Variants in KRT85 observed in about 807,000 individuals in gnomAD.
KRT85 encodes the protein keratin 85.
In KRT85, 39 loss-of-function variants were observed where a neutral mutation model predicts 53.7. The ratio of observed to expected loss-of-function variants is 0.73; its 90% confidence interval spans 0.56 to 0.95. The LOEUF (loss-of-function observed/expected upper bound fraction) is 0.95. Among genes scored for constraint, KRT85 ranks in the 40% least tolerant of loss-of-function variants. The pLI, the probability that KRT85 is intolerant of heterozygous loss-of-function variation, is 0.00. For synonymous variants in KRT85, 291 were observed against 277.5 expected, an observed-to-expected ratio of 1.05 and a Z score of -0.48; for missense variants, 668 against 686.0, an observed-to-expected ratio of 0.97 and a Z score of 0.29.
rs3837478 is a variant in KRT85, at chr12:52,366,676, T to TAC, written c.420+308_420+309dup. Reference sequence around the variant, plus strand: ...ACACACACATATGCTCACACACATGTACACACACACATATACACACCACAC... The same window carrying TAC: ...ACACACACATATGCTCACACACATGTACACACACACACATATACACACCACAC... On this transcript the variant is annotated intron_variant, in intron 1 of 8. Transcript: ENST00000257901. Among the ~76,000 whole-genome samples, 352 of 151,832 alleles carry TAC rather than the reference T, an allele frequency of 2.3e-3. 1 individual carries two copies. Among genetic ancestry groups the TAC allele is most frequent in the African/African-American group, 8.0e-3 (331 of 41,366 alleles).
chr12:52,363,217 T>G, intron 5 of KRT85, 29 bp downstream of exon 5: 1 of 1,613,598 alleles, frequency 6.2e-7, no homozygotes, highest in Non-Finnish European at 8.5e-7. Context: ...ACTGCCATGC[T>G]TAGCAGGCAG....
In KRT85 at chr12:52,361,470, C is replaced by T. The variant is rs769372346; in HGVS notation, c.1327G>A (p.Val443Ile). The stretch of plus-strand genomic sequence containing the variant: ...AGAATTTCAGGCAGATACTCACAGA[C>T]ATTCACAGAGCCCACACCTTCACAC... ...RLCEGVGSVN[V>I]CVSSSRGGVS... The change falls in exon 8 of 9, where the codon GTC becomes ATC. Residue 443 changes from valine (V) to isoleucine (I), a missense_variant. This residue lies in a region of KRT85 where 488 missense variants were observed against 498.1 expected (regional missense o/e 0.98). Transcript: ENST00000257901. The T allele has an allele frequency of 6.8e-6, 11 of 1,613,884 alleles. No homozygotes were observed. Among genetic ancestry groups the T allele is most frequent in the African/African-American group, 2.7e-5 (2 of 74,908 alleles).
At chr12:52,366,955 G>A in intron 1 of KRT85, 31 bp downstream of exon 1, 1 of 1,613,978 alleles carries the variant, frequency 6.2e-7, no homozygotes, top group South Asian at 1.1e-5. Flanking sequence ...AGGGCTGGAG[G>A]CTTCTCTGGG....
At chr12:52,366,920 G>C in intron 1 of KRT85, 66 bp downstream of exon 1, 2 of 1,613,494 alleles carry the variant, frequency 1.2e-6, no homozygotes, top group Non-Finnish European at 1.7e-6. Flanking sequence ...CTCCTCAGCA[G>C]ACTGGGACCT....
At position 52,360,929 on chromosome 12, in the gene KRT85, G is replaced by A; in HGVS notation, c.1448C>T (p.Pro483Leu). The change falls in exon 9 of 9, where the codon CCT (proline) becomes CTT (leucine). Residue 483 changes from proline to leucine, a missense_variant. By Grantham distance (98) the Pro-to-Leu change is moderately conservative. Coordinates refer to ENST00000257901, the MANE Select transcript of KRT85 (RefSeq NM_002283.4). The part of the protein sequence containing the change: ...AIGGSITVVA[P>L]DSCAPCQPRS... ...AGGCTGGCAGGGGGCACAGGAGTCA[G>A]GGGCCACCACCGTGATGCTGCCGCC... 3.1e-6 allele frequency: 5 copies of A among 1,612,726 alleles called. No homozygotes were observed. Among genetic ancestry groups the A allele is most frequent in the Non-Finnish European group, 4.2e-6 (5 of 1,179,978 alleles).
chr12:52,360,909 G>A lies in KRT85; in HGVS notation c.1468C>T (p.Gln490Ter), dbSNP rs1287524887. ...VVAPDSCAPCQPRSSSFSCGS... is the reference protein window; with the variant it reads ...VVAPDSCAPC ...CAGCTGAAGCTGGAGGAACGAGGCT[G>A]GCAGGGGGCACAGGAGTCAGGGGCC... Residue 490 changes from glutamine (Q) to a stop codon, truncating the protein, a stop_gained, in exon 9 of 9, where the codon CAG becomes TAG. Coordinates refer to ENST00000257901, the MANE Select transcript of KRT85 (RefSeq NM_002283.4). LOFTEE classifies it high-confidence loss of function. 16 of 1,612,606 alleles carry A rather than the reference G, an allele frequency of 9.9e-6. No homozygotes were observed. The highest frequency in any genetic ancestry group is 1.2e-5 in the Non-Finnish European group (14 of 1,180,012).
At position 52,367,198 on chromosome 12, in the gene KRT85, C is replaced by T. The variant is rs1939286955; in HGVS notation, c.208G>A (p.Gly70Ser). The T allele has an allele frequency of 6.2e-7, 1 of 1,613,862 alleles. No individual in the cohort carries two copies. Among genetic ancestry groups the T allele is most frequent in the Non-Finnish European group, 8.5e-7 (1 of 1,179,926 alleles). The change falls in exon 1 of 9, where the codon GGC becomes AGC. Residue 70 changes from glycine to serine, a missense_variant. Gly to Ser is a moderately conservative substitution (Grantham distance 56). Transcript: ENST00000257901. The stretch of plus-strand genomic sequence containing the variant: ...CGTCCGCAGGAGCCGGCTCGGAAGC[C>T]ACCTACAGCTATCCGGGGCCCGCAG... ...GSCGPRIAVG[G>S]FRAGSCGRSF...
rs769372346 is a variant in KRT85 at position 52,361,470 on chromosome 12, C to A, written c.1327G>T (p.Val443Phe). 2 of 1,613,884 alleles carry A rather than the reference C, an allele frequency of 1.2e-6. No homozygotes were observed. The highest frequency in any genetic ancestry group is 2.7e-5 in the African/African-American group (2 of 74,908). The change falls in exon 8 of 9, where the codon GTC becomes TTC. Residue 443 changes from valine to phenylalanine, a missense_variant. Coordinates refer to ENST00000257901, the MANE Select transcript of KRT85 (RefSeq NM_002283.4). ...AGAATTTCAGGCAGATACTCACAGA[C>A]ATTCACAGAGCCCACACCTTCACAC... ...RLCEGVGSVNVCVSSSRGGVS... is the reference protein window; with the variant it reads ...RLCEGVGSVNFCVSSSRGGVS...
chr12:52,360,764 G>A lies in KRT85; in HGVS notation c.*89C>T, dbSNP rs1041995246. The stretch of plus-strand genomic sequence containing the variant: ...TAGGAACATCCAGAAGATTCTGGAA[G>A]CAAGCACACATTTTCCATTCACATG... On this transcript the variant is annotated 3_prime_UTR_variant, in exon 9 of 9. Transcript: ENST00000257901. The A allele has an allele frequency of 7.2e-7, 1 of 1,393,504 alleles. No homozygotes were observed. Among genetic ancestry groups the A allele is most frequent in the East Asian group, 2.3e-5 (1 of 43,832 alleles). The allele number at this position is 1,393,504 out of a possible 1,614,324, so 86.3% of individuals were successfully genotyped here.
In KRT85 at chr12:52,363,413, G is replaced by A. The variant is rs759539209; in HGVS notation, c.787-3C>T. On this transcript the variant is annotated splice_region_variant and splice_polypyrimidine_tract_variant and intron_variant, in intron 4 of 8. Coordinates refer to ENST00000257901, the MANE Select transcript of KRT85 (RefSeq NM_002283.4). ...TGGGCTTGGAGAACGCGGATCTCCT[G>A]TGGGGCCAACAGCCAGTGCATTTGC... 28 of 1,614,068 alleles carry A rather than the reference G, an allele frequency of 1.7e-5. No homozygotes were observed. In the South Asian group the frequency reaches 3.0e-4, roughly 17 times the overall value.
At chr12:52,364,628 C>A (rs1939245367) in intron 2 of KRT85, 1 of 1,440,232 alleles carries the variant, frequency 6.9e-7, no homozygotes, top group South Asian at 1.5e-5. Context: ...TCTGTGCATC[C>A]TAGGTCCCAA....
chr12:52,365,205 G>C (rs777557341), intron 1 of KRT85, 35 bp from the exon 2 acceptor site: 3 of 1,609,686 alleles, frequency 1.9e-6, no homozygotes, highest in Admixed American at 3.3e-5. Context: ...GTCAGAGGGA[G>C]CCTGGGGGGA....
At chr12:52,362,215 C>T (rs1209840109) in intron 7 of KRT85, 36 bp downstream of exon 7, 4 of 1,613,970 alleles carry the variant, frequency 2.5e-6, no homozygotes, top group South Asian at 1.1e-5. Context: ...CCACAGCCTC[C>T]ACCTCTGAAA....
chr12:52,361,193 C>T lies in KRT85; in HGVS notation c.1331-147G>A, dbSNP rs1404729270. The T allele has an allele frequency of 6.1e-6, 5 of 824,120 alleles. No individual in the cohort carries two copies. In the Admixed American group the frequency reaches 1.0e-4, roughly 17 times the overall value. 51.1% of individuals were successfully genotyped at this position (824,120 alleles called of 1,614,324 possible). A position where few individuals can be genotyped will look rare whatever the true frequency, so the allele number is the denominator to read the frequency against. ...GGCCCTGTCCCTGAGATGCACAGCCCATCTAGGGAACTGGGGCAGGAAGGA... is the reference window on the plus strand; with the variant it reads ...GGCCCTGTCCCTGAGATGCACAGCCTATCTAGGGAACTGGGGCAGGAAGGA... On this transcript the variant is annotated intron_variant, in intron 8 of 8. Transcript: ENST00000257901.
intron 2 of KRT85, 195 bp downstream of exon 2, chr12:52,364,767 A>G (rs1939246905): frequency 1.5e-6 from 2 of 1,374,706 alleles, no homozygotes; most frequent in Admixed American, 2.1e-5. Context: ...AAGTAGCTCT[A>G]AGGCTCACAG....
chr12:52,364,247 C>A, intron 3 of KRT85, 59 bp downstream of exon 3: 1 of 1,613,338 alleles, frequency 6.2e-7, no homozygotes, highest in Non-Finnish European at 8.5e-7. Context: ...TGACCCTGCC[C>A]CTCGCTGGAG....
intron 7 of KRT85, 25 bp downstream of exon 7, chr12:52,362,226 C>T (rs775199825): frequency 6.8e-6 from 11 of 1,613,870 alleles, no homozygotes; most frequent in African/African-American, 1.3e-5. Flanking sequence ...ACCTCTGAAA[C>T]CCCACAAAGT....
rs1331076421 is a variant in KRT85 at position 52,361,381 on chromosome 12, C to G, written c.1330+86G>C. 3.2e-6 allele frequency: 4 copies of G among 1,260,110 alleles called. No individual in the cohort carries two copies. In the Admixed American group the frequency reaches 5.0e-5, roughly 16 times the overall value. The allele number at this position is 1,260,110 out of a possible 1,614,324, so 78.1% of individuals were successfully genotyped here. ...GGAGGGTGAAACAGTTGGGGGAACACTCGAGGCTCCATGGGTTAGGCCAAT... is the reference window on the plus strand; with the variant it reads ...GGAGGGTGAAACAGTTGGGGGAACAGTCGAGGCTCCATGGGTTAGGCCAAT... On this transcript the variant is annotated intron_variant, in intron 8 of 8. Coordinates refer to ENST00000257901, the MANE Select transcript of KRT85 (RefSeq NM_002283.4).
rs142139921 is a variant in KRT85, at chr12:52,360,873, G to A, written c.1504C>T (p.Arg502Trp). The change falls in exon 9 of 9, where the codon CGG becomes TGG. Residue 502 changes from arginine to tryptophan, a missense_variant. Physicochemically the swap from Arg to Trp is moderately radical, Grantham distance 101 (BLOSUM62 -3). This residue lies in a region of KRT85 where 488 missense variants were observed against 498.1 expected (regional missense o/e 0.98). Transcript: ENST00000257901. The part of the protein sequence containing the change: ...RSSSFSCGSS[R>W]SVRFA ...CTCTACTAGGCAAAGCGGACCGACC[G>A]GCTACTCCCGCAGCTGAAGCTGGAG... The A allele has an allele frequency of 1.5e-5, 24 of 1,612,250 alleles. No individual in the cohort carries two copies. The East Asian group carries it at 1.6e-4, about 10-fold the overall frequency.
Sources: gnomAD v4.1 joint callset for allele counts (sites outside exome capture counted in the v4.1 genomes callset) on GRCh38, gnomAD v4.1.1 for gene constraint, gnomAD v4.1.1 regional missense constraint, MANE v1.5 for transcripts, NCBI Gene and HGNC (gene_info 2026-07-23, HGNC 2026-07-21) for gene names.